STK32B: variants seen among roughly 807,000 people sequenced by gnomAD.
STK32B encodes the protein serine/threonine-protein kinase 32B.
A neutral mutation model predicts 52.6 loss-of-function variants in STK32B; 43 were observed. That is an observed-to-expected ratio of 0.82 (90% CI 0.64 to 1.05). The LOEUF (loss-of-function observed/expected upper bound fraction) is 1.05, where lower values mean the gene tolerates loss of function less well. Ranked by LOEUF, STK32B falls within the 50% of genes least tolerant of loss-of-function variation. The pLI, the probability that STK32B is intolerant of heterozygous loss-of-function variation, is 0.00. For missense variants in STK32B, 621 were observed against 534.6 expected, an observed-to-expected ratio of 1.16 and a Z score of -1.59; for synonymous variants, 238 against 204.3, an observed-to-expected ratio of 1.17 and a Z score of -1.41.
At chr4:5,243,973 C>T (rs1440450355) in intron 3 of STK32B, among the ~76,000 whole-genome samples, 3 of 152,168 alleles carry the variant, frequency 2.0e-5, no homozygotes, top group African/African-American at 7.2e-5. Flanking sequence ...CTGCTGGATT[C>T]AGTTTGCCAG....
chr4:5,028,287 A>G, the STK32B span, among the ~76,000 whole-genome samples: 3 of 152,142 alleles, frequency 2.0e-5, no homozygotes, highest in African/African-American at 7.2e-5. Flanking sequence ...CTGGGACTAC[A>G]GGGGCTCACC....
At chr4:5,391,917 G>T (rs1292039331) in intron 4 of STK32B, among the ~76,000 whole-genome samples, 1 of 152,282 alleles carries the variant, frequency 6.6e-6, no homozygotes, top group East Asian at 1.9e-4. Context: ...ACATCTCAGT[G>T]TTCACTTTTC....
intron 1 of STK32B, among the ~76,000 whole-genome samples, chr4:5,089,747 T>A (rs894795045): frequency 6.6e-5 from 10 of 152,186 alleles, no homozygotes; most frequent in Non-Finnish European, 1.5e-5. Context: ...TCAAATGGTA[T>A]TTTTGGTTCC....
At position 5,441,196 on chromosome 4, in the gene STK32B, G is replaced by C. The variant is rs1244995898; in HGVS notation, c.563-5477G>C. ...GAAGGAATGGTACCAGTTCCTCCTT[G>C]TACCTCTGGTAGAATTTGGCTGTGA... On this transcript the variant is annotated intron_variant, in intron 6 of 11. Coordinates refer to ENST00000282908, the MANE Select transcript of STK32B (RefSeq NM_018401.3). Among the ~76,000 whole-genome samples the C allele has an allele frequency of 7.3e-5, 11 of 150,586 alleles. No individual in the cohort carries two copies. The South Asian group carries it at 1.3e-3, about 18-fold the overall frequency.
At chr4:5,304,977 T>C (rs571460401) in intron 3 of STK32B, among the ~76,000 whole-genome samples, 25 of 152,278 alleles carry the variant, frequency 1.6e-4, no homozygotes, top group Middle Eastern at 6.8e-3. Context: ...TCTGTTCATG[T>C]AGTGTATCAC....
intron 1 of STK32B, among the ~76,000 whole-genome samples, chr4:5,052,769 A>C (rs1157563868): frequency 6.6e-6 from 1 of 152,142 alleles, no homozygotes; most frequent in Admixed American, 6.5e-5. Context: ...TTTTTATGTT[A>C]AGAGCCCTCT....
At chr4:5,227,401 C>T (rs1322765432) in intron 3 of STK32B, among the ~76,000 whole-genome samples, 1 of 152,200 alleles carries the variant, frequency 6.6e-6, no homozygotes, top group East Asian at 1.9e-4. Context: ...CACATATTGG[C>T]ATATTCCATT....
intron 3 of STK32B, among the ~76,000 whole-genome samples, chr4:5,282,940 T>C (rs971422161): frequency 2.0e-5 from 3 of 152,222 alleles, no homozygotes; most frequent in Non-Finnish European, 2.9e-5. Context: ...GAAAGCAAAA[T>C]CATGGATAAG....
chr4:5,282,470 C>A (rs564867271), intron 3 of STK32B, among the ~76,000 whole-genome samples: 1 of 152,104 alleles, frequency 6.6e-6, no homozygotes, highest in East Asian at 1.9e-4. Flanking sequence ...ACACTAAGAA[C>A]AATTATACAA....
At chr4:5,446,565 A>AC in intron 6 of STK32B, 108 bp from the exon 7 acceptor site, 1 of 954,082 alleles carries the variant, frequency 1.0e-6, no homozygotes, top group Non-Finnish European at 1.6e-6. Flanking sequence ...TCAAAAAAAA[A>AC]CAAAAAAAAA....
At chr4:5,353,935 A>G (rs1048114719) in intron 4 of STK32B, among the ~76,000 whole-genome samples, 7 of 152,246 alleles carry the variant, frequency 4.6e-5, no homozygotes, top group South Asian at 2.1e-4. Context: ...AGGCATGCCA[A>G]TATTTATTGC....
intron 3 of STK32B, among the ~76,000 whole-genome samples, chr4:5,204,642 G>A (rs1722428756): frequency 6.6e-6 from 1 of 151,854 alleles, no homozygotes; most frequent in South Asian, 2.1e-4. Context: ...GCTAATTTTT[G>A]TATTTTTAGT....
intron 1 of STK32B, among the ~76,000 whole-genome samples, chr4:5,099,183 C>T (rs1283476261): frequency 6.6e-6 from 1 of 152,118 alleles, no homozygotes; most frequent in African/African-American, 2.4e-5. Context: ...CTTCTCACAC[C>T]CCATCACGCT....
intron 3 of STK32B, among the ~76,000 whole-genome samples, chr4:5,236,790 T>C (rs1724669704): frequency 6.6e-6 from 1 of 152,204 alleles, no homozygotes; most frequent in African/African-American, 2.4e-5. Context: ...GTTGATGGGC[T>C]TTTGAGTTAT....
At chr4:5,199,714 T>C (rs1055654368) in intron 3 of STK32B, among the ~76,000 whole-genome samples, 5 of 152,182 alleles carry the variant, frequency 3.3e-5, no homozygotes, top group Non-Finnish European at 5.9e-5. Flanking sequence ...TTTCTTATAA[T>C]TGTCCAGGTC....
At chr4:5,338,145 A>C (rs1732828874) in intron 4 of STK32B, among the ~76,000 whole-genome samples, 1 of 152,256 alleles carries the variant, frequency 6.6e-6, no homozygotes. Context: ...TTTGTAAAAG[A>C]AAGTGATAGG....
chr4:5,218,279 A>G (rs765138511), intron 3 of STK32B, among the ~76,000 whole-genome samples: 3 of 152,226 alleles, frequency 2.0e-5, no homozygotes, highest in Non-Finnish European at 4.4e-5. Context: ...GCTGATTTGT[A>G]GTTTTAAAAG....
intron 3 of STK32B, among the ~76,000 whole-genome samples, chr4:5,175,053 A>C (rs1033885721): frequency 1.3e-5 from 2 of 152,038 alleles, no homozygotes; most frequent in African/African-American, 2.4e-5. Context: ...CATTCATTTC[A>C]TCTTCCATCG....
At chr4:5,241,797 A>G (rs1247261175) in intron 3 of STK32B, among the ~76,000 whole-genome samples, 1 of 151,994 alleles carries the variant, frequency 6.6e-6, no homozygotes, top group Non-Finnish European at 1.5e-5. Flanking sequence ...TCATTGTTCA[A>G]TTCCCACTTA....
Sources: allele counts gnomAD v4.1 joint callset (sites outside exome capture counted in the v4.1 genomes callset), GRCh38; gene constraint gnomAD v4.1.1; transcripts MANE v1.5; gene names NCBI Gene and HGNC (gene_info 2026-07-23, HGNC 2026-07-21).